Variants in ARHGAP29 observed in about 807,000 individuals in gnomAD.
ARHGAP29 encodes Rho GTPase activating protein 29.
A neutral mutation model predicts 122.6 loss-of-function variants in ARHGAP29; 43 were observed. The ratio of observed to expected loss-of-function variants is 0.35; its 90% CI spans 0.27 to 0.45. The LOEUF (loss-of-function observed/expected upper bound fraction) is 0.45. Among genes scored for constraint, ARHGAP29 ranks in the 20% least tolerant of loss-of-function variants. The pLI is 1.00. For missense variants in ARHGAP29, 1,303 were observed against 1,477.2 expected (o/e 0.88, Z 1.93); for synonymous variants, 506 against 497.1 (o/e 1.02, Z -0.24).
chr1:94,179,592 CAAAAAAAAA>C (rs67114194), intron 20 of ARHGAP29, 124 bp downstream of exon 20: 22 of 220,886 alleles, frequency 1.0e-4, no homozygotes, highest in East Asian at 2.7e-4. Flanking sequence ...GACTCTGTCT[CAAAAAAAAA>C]AAAAAAAAAA....
At chr1:94,264,806 C>T (rs6664460) in intron 1 of ARHGAP29, among the ~76,000 whole-genome samples, 4,031 of 152,212 alleles carry the variant, frequency 0.026, 181 homozygotes, top group African/African-American at 0.092. Flanking sequence ...CTGTATTAGT[C>T]GTTGCTTTGA....
intron 1 of ARHGAP29, among the ~76,000 whole-genome samples, chr1:94,266,557 A>T (rs141790168): frequency 6.6e-6 from 1 of 152,236 alleles, no homozygotes; most frequent in East Asian, 1.9e-4. Context: ...GAGCCCCTTC[A>T]TACTATGGCC....
intron 3 of ARHGAP29, among the ~76,000 whole-genome samples, chr1:94,210,747 T>A (rs1460319529): frequency 6.6e-6 from 1 of 152,082 alleles, no homozygotes; most frequent in Admixed American, 6.5e-5. Context: ...AAATAAAATA[T>A]AAGAAATAGG....
At chr1:94,216,944 G>A (rs1651984642) in intron 3 of ARHGAP29, among the ~76,000 whole-genome samples, 1 of 151,832 alleles carries the variant, frequency 6.6e-6, no homozygotes, top group Non-Finnish European at 1.5e-5. Flanking sequence ...AGAATGAATG[G>A]GAAAAAAATT....
chr1:94,314,487 T>TA, the ARHGAP29 span, among the ~76,000 whole-genome samples: 1 of 152,164 alleles, frequency 6.6e-6, no homozygotes, highest in Non-Finnish European at 1.5e-5. Flanking sequence ...TTATAACACT[T>TA]ACAGATGAAG....
At chr1:94,203,865 C>T in intron 8 of ARHGAP29, 65 bp downstream of exon 8, 23 of 1,416,846 alleles carry the variant, frequency 1.6e-5, no homozygotes, top group Non-Finnish European at 2.3e-5. Flanking sequence ...TCTGATTTTG[C>T]AAATTATTGG....
chr1:94,227,945 A>C (rs1414063591), intron 2 of ARHGAP29, among the ~76,000 whole-genome samples: 1 of 151,758 alleles, frequency 6.6e-6, no homozygotes, highest in African/African-American at 2.4e-5. Context: ...ACACTGGATA[A>C]AAAAACTAAA....
At chr1:94,232,252 CT>C (rs1286501828) in intron 1 of ARHGAP29, among the ~76,000 whole-genome samples, 1 of 45,042 alleles carries the variant, frequency 2.2e-5, no homozygotes, top group Non-Finnish European at 5.7e-5. Flanking sequence ...CTGACAACAC[CT>C]ATCTCATGAG....
chr1:94,268,060 AC>A (rs950638650), intron 1 of ARHGAP29, among the ~76,000 whole-genome samples: 12 of 152,278 alleles, frequency 7.9e-5, no homozygotes, highest in African/African-American at 2.9e-4. Context: ...CTTCTGATAA[AC>A]AAAAAAACTA....
chr1:94,202,194 T>C (rs1650891082), intron 11 of ARHGAP29: 1 of 472,846 alleles, frequency 2.1e-6, no homozygotes, highest in Middle Eastern at 5.5e-4. Context: ...CTATCCTTGC[T>C]ATCAGGTGCC....
intron 3 of ARHGAP29, among the ~76,000 whole-genome samples, chr1:94,212,133 G>C (rs1291204240): frequency 2.0e-5 from 3 of 152,128 alleles, no homozygotes; most frequent in Non-Finnish European, 4.4e-5. Flanking sequence ...ACAAAAATTA[G>C]CTGGGGGTGG....
chr1:94,195,349 TG>T (rs1650389488), intron 12 of ARHGAP29: 1 of 152,208 alleles, frequency 6.6e-6, no homozygotes, highest in Non-Finnish European at 1.5e-5. Flanking sequence ...ATGACAGTGG[TG>T]CCAGGGGAGG....
chr1:94,233,189 G>C (rs567809199), intron 1 of ARHGAP29, among the ~76,000 whole-genome samples: 2 of 152,182 alleles, frequency 1.3e-5, no homozygotes, highest in South Asian at 4.1e-4. Context: ...CTGGGCTCAA[G>C]TGATCCTCCT....
Position 94,202,574 on chromosome 1 carries a change from C to T in ARHGAP29, c.1113G>A (p.Lys371=). The T allele has an allele frequency of 6.2e-7, 1 of 1,614,110 alleles. No individual in the cohort carries two copies. The highest frequency in any genetic ancestry group is 8.5e-7 in the Non-Finnish European group (1 of 1,180,018). ...AKNLNKQLEK[K]RRLEEEALQK... is the part of the protein sequence containing the mutation. ...GGAGAGCCTCCTCTTCCAACCTTCG[C>T]TTTTTTTCTAGTTGCTTGTTGAGAT... Residue 371 remains lysine (K), a synonymous_variant, in exon 11 of 23, where the codon AAG becomes AAA. Transcript: ENST00000260526.
At chr1:94,180,804 A>C (rs1649408160) in intron 19 of ARHGAP29, among the ~76,000 whole-genome samples, 1 of 152,218 alleles carries the variant, frequency 6.6e-6, no homozygotes, top group African/African-American at 2.4e-5. Context: ...TTCCCACATG[A>C]AAGTCTCGGT....
the ARHGAP29 span, among the ~76,000 whole-genome samples, chr1:94,282,261 T>G: frequency 1.1e-5 from 1 of 93,388 alleles, no homozygotes; most frequent in Non-Finnish European, 2.2e-5. Context: ...AGTGCTTTAT[T>G]TATTTATTTA....
At chr1:94,288,219 G>A in the ARHGAP29 span, among the ~76,000 whole-genome samples, 1 of 152,146 alleles carries the variant, frequency 6.6e-6, no homozygotes, top group Non-Finnish European at 1.5e-5. Context: ...TCTCATTGTG[G>A]TTTTGATTTG....
At chr1:94,241,323 A>G (rs979448792), upstream of ARHGAP29, among the ~76,000 whole-genome samples, 3 of 152,224 alleles carry the variant, frequency 2.0e-5, no homozygotes, top group Admixed American at 6.5e-5. Flanking sequence ...CTTAAAAGAT[A>G]TATCAAATGC....
rs1455847427 is a variant in ARHGAP29 at position 94,172,000 on chromosome 1, T to C, written c.*1869A>G. ...ATATACTTAAAAATGGTAAATGTTA[T>C]GTGTATTTTACCACAATAAAAATTT... On this transcript the variant is annotated 3_prime_UTR_variant, in exon 23 of 23. Transcript: ENST00000260526. 1 of 152,232 alleles carries C rather than the reference T, an allele frequency of 6.6e-6. No individual in the cohort carries two copies. Among genetic ancestry groups the C allele is most frequent in the Non-Finnish European group, 1.5e-5 (1 of 68,036 alleles). 9.4% of individuals were successfully genotyped at this position (152,232 alleles called of 1,614,324 possible).
Sources: allele counts gnomAD v4.1 joint callset (sites outside exome capture counted in the v4.1 genomes callset), GRCh38; gene constraint gnomAD v4.1.1; transcripts MANE v1.5; gene names NCBI Gene and HGNC (gene_info 2026-07-23, HGNC 2026-07-21).